PPP1R14D: variants seen among roughly 807,000 people sequenced by gnomAD.
PPP1R14D encodes protein phosphatase 1 regulatory subunit 14D.
PPP1R14D carries 14 observed loss-of-function variants against 17.1 expected under a neutral mutation model. That is an observed-to-expected ratio of 0.82 (90% CI 0.54 to 1.28). PPP1R14D has a LOEUF of 1.28. Ranked by LOEUF, PPP1R14D falls within the 50% of genes most tolerant of loss-of-function variation. The pLI is 0.00. For synonymous variants in PPP1R14D, 67 were observed against 66.1 expected (o/e 1.01, Z -0.06); for missense variants, 173 against 179.2 (o/e 0.97, Z 0.20).
At chr15:40,825,754 T>C (rs1467801284) in intron 1 of PPP1R14D, among the ~76,000 whole-genome samples, 1 of 152,200 alleles carries the variant, frequency 6.6e-6, no homozygotes, top group Non-Finnish European at 1.5e-5. Context: ...CTTAACTGCT[T>C]CCTGCTGAAA....
intron 1 of PPP1R14D, among the ~76,000 whole-genome samples, chr15:40,824,291 T>G (rs1294436353): frequency 6.6e-6 from 1 of 152,100 alleles, no homozygotes; most frequent in African/African-American, 2.4e-5. Flanking sequence ...AAGGCTCAGA[T>G]GAACCAACAA....
chr15:40,821,609 A>C (rs149248668), intron 1 of PPP1R14D, among the ~76,000 whole-genome samples: 133 of 152,226 alleles, frequency 8.7e-4, no homozygotes, highest in Non-Finnish European at 1.6e-3. Flanking sequence ...GGAATCTCAG[A>C]GGGTGTGAGT....
intron 1 of PPP1R14D, among the ~76,000 whole-genome samples, chr15:40,824,482 C>T (rs758984129): frequency 6.6e-6 from 1 of 151,884 alleles, no homozygotes; most frequent in Non-Finnish European, 1.5e-5. Flanking sequence ...GCAATCCTCC[C>T]TCCTCAGCCT....
chr15:40,821,166 C>T (rs1890769886), intron 1 of PPP1R14D, among the ~76,000 whole-genome samples: 1 of 151,976 alleles, frequency 6.6e-6, no homozygotes, highest in African/African-American at 2.4e-5. Context: ...GAAACCCCAT[C>T]TCTACTAAAA....
Position 40,815,968 on chromosome 15 carries a change from G to A in PPP1R14D, c.366C>T (p.Pro122=). ...GCAGAAGAACATCCCTTACCTCTGT[G>A]GGGCGGGGGCAGTTCCCAAGAATGG... is the stretch of plus-strand genomic sequence containing the variant. ...LEAILGNCPR[P]TEAFISELLS... The change falls in exon 3 of 4, where the codon CCC becomes CCT. Residue 122 remains proline, a synonymous_variant. Coordinates refer to ENST00000299174, the MANE Select transcript of PPP1R14D (RefSeq NM_017726.8). 1.2e-6 allele frequency: 2 copies of A among 1,614,082 alleles called. No homozygotes were observed. Among genetic ancestry groups the A allele is most frequent in the Non-Finnish European group, 1.7e-6 (2 of 1,180,016 alleles).
Position 40,818,432 on chromosome 15 carries a change from A to G in PPP1R14D, c.256-2179T>C, listed in dbSNP as rs75869030. ...CAAACTGGTATGTCCAGAGAATGGA[A>G]TATTATTCAGTGCAAAAATGAATGA... On this transcript the variant is annotated intron_variant, in intron 1 of 3. Coordinates refer to ENST00000299174, the MANE Select transcript of PPP1R14D (RefSeq NM_017726.8). Among the ~76,000 whole-genome samples the G allele has an allele frequency of 1.4e-3, 211 of 152,272 alleles. 3 individuals are homozygous for G. In the East Asian group the frequency reaches 0.026, roughly 19 times the overall value.
intron 1 of PPP1R14D, among the ~76,000 whole-genome samples, chr15:40,823,637 G>T (rs890429451): frequency 5.3e-5 from 8 of 152,174 alleles, no homozygotes; most frequent in Admixed American, 2.0e-4. Flanking sequence ...CATTACAGCT[G>T]CCCACAGTAT....
intron 1 of PPP1R14D, among the ~76,000 whole-genome samples, chr15:40,823,066 G>A (rs1438844337): frequency 6.6e-6 from 1 of 150,402 alleles, no homozygotes; most frequent in Non-Finnish European, 1.5e-5. Flanking sequence ...CTGGGTTCAA[G>A]CGATTCTCCT....
chr15:40,819,198 T>A (rs1890727918), intron 1 of PPP1R14D, among the ~76,000 whole-genome samples: 1 of 152,224 alleles, frequency 6.6e-6, no homozygotes, highest in African/African-American at 2.4e-5. Context: ...CTAGTACAGT[T>A]TAGTGCCACT....
intron 1 of PPP1R14D, among the ~76,000 whole-genome samples, chr15:40,820,286 G>A (rs1451552976): frequency 6.6e-6 from 1 of 151,274 alleles, no homozygotes; most frequent in Non-Finnish European, 1.5e-5. Flanking sequence ...AGCCTCCCAA[G>A]TAGCTGAGAT....
In PPP1R14D at chr15:40,827,418, G is replaced by T. The variant is rs538655673; in HGVS notation, c.255+969C>A. Among the ~76,000 whole-genome samples the T allele has an allele frequency of 4.1e-4, 63 of 152,314 alleles. No individual in the cohort carries two copies. The South Asian group carries it at 0.012, about 29-fold the overall frequency. On this transcript the variant is annotated intron_variant, in intron 1 of 3. Transcript: ENST00000299174. ...AGCTACTCGGGAGGCTGAGGCAGGA[G>T]AATCGCTTGAACTTGGGAGGCGGAG...
Position 40,815,694 on chromosome 15 carries a change from G to A in PPP1R14D, c.*2C>T. On this transcript the variant is annotated 3_prime_UTR_variant, in exon 4 of 4. Coordinates refer to ENST00000299174, the MANE Select transcript of PPP1R14D (RefSeq NM_017726.8). ...GAGGCTGCTAAAGATGGTCTCTCAG[G>A]CTTATTTCTGAGGCCGGCTGAGTCT... 1.2e-6 allele frequency: 2 copies of A among 1,613,812 alleles called. No individual in the cohort carries two copies. Among genetic ancestry groups the A allele is most frequent in the East Asian group, 2.2e-5 (1 of 44,882 alleles).
At chr15:40,818,939 G>A (rs900376348) in intron 1 of PPP1R14D, among the ~76,000 whole-genome samples, 2 of 152,102 alleles carry the variant, frequency 1.3e-5, no homozygotes, top group African/African-American at 4.8e-5. Flanking sequence ...AGTGGGGGAA[G>A]CTATACATAT....
chr15:40,820,180 A>G (rs1273265682), intron 1 of PPP1R14D, among the ~76,000 whole-genome samples: 3 of 119,292 alleles, frequency 2.5e-5, no homozygotes, highest in East Asian at 5.0e-4. Context: ...TTTTTTGCTG[A>G]CAGGGTCTCG....
In PPP1R14D at chr15:40,827,728, C is replaced by T. The variant is rs537879931; in HGVS notation, c.255+659G>A. Reference sequence around the variant, plus strand: ...TTGAGCCAAGGAGTTCAAGACCAGCCTGGGCAACATGGTGAAAAGCCGTCT... The same window carrying T: ...TTGAGCCAAGGAGTTCAAGACCAGCTTGGGCAACATGGTGAAAAGCCGTCT... On this transcript the variant is annotated intron_variant, in intron 1 of 3. Coordinates refer to ENST00000299174, the MANE Select transcript of PPP1R14D (RefSeq NM_017726.8). Among the ~76,000 whole-genome samples the T allele has an allele frequency of 1.9e-3, 287 of 152,000 alleles. 3 individuals carry two copies. The highest frequency in any genetic ancestry group is 6.7e-3 in the African/African-American group (279 of 41,448).
At chr15:40,817,200 T>C in intron 1 of PPP1R14D, 1 of 284,936 alleles carries the variant, frequency 3.5e-6, no homozygotes, top group South Asian at 2.6e-5. Flanking sequence ...CTACTGAATA[T>C]ACAAAAATTA....
chr15:40,828,595 C>A lies in PPP1R14D; in HGVS notation c.47G>T (p.Gly16Val), dbSNP rs1164514792. The change falls in exon 1 of 4, where the codon GGG (glycine) becomes GTG (valine). Residue 16 changes from glycine (G) to valine (V), a missense_variant. Transcript: ENST00000299174. ...PASCTSPSPD[G>V]ENPCKKVHWA... ...GTGGACCTTCTTACATGGGTTCTCC[C>A]CATCTGGGCTGGGAGATGTGCAGGA... 4 of 1,614,056 alleles carry A rather than the reference C, an allele frequency of 2.5e-6. No homozygotes were observed. The East Asian group carries it at 8.9e-5, about 36-fold the overall frequency.
intron 1 of PPP1R14D, among the ~76,000 whole-genome samples, chr15:40,826,717 C>T (rs963341292): frequency 6.6e-6 from 1 of 152,198 alleles, no homozygotes; most frequent in African/African-American, 2.4e-5. Flanking sequence ...CCTGTAATCC[C>T]AGCATTTTGA....
At chr15:40,819,093 A>G (rs912683888) in intron 1 of PPP1R14D, among the ~76,000 whole-genome samples, 4 of 152,232 alleles carry the variant, frequency 2.6e-5, no homozygotes, top group Admixed American at 2.0e-4. Flanking sequence ...CTGCTTCAAC[A>G]AGGACATTCT....
Sources: allele counts gnomAD v4.1 joint callset (sites outside exome capture counted in the v4.1 genomes callset), GRCh38; gene constraint gnomAD v4.1.1; transcripts MANE v1.5; gene names NCBI Gene and HGNC (gene_info 2026-07-23, HGNC 2026-07-21).